The following CLSTN2 variants were observed in gnomAD, a reference collection of about 807,000 sequenced individuals.
CLSTN2 encodes calsyntenin 2.
Under a neutral mutation model 101.2 loss-of-function variants are expected in CLSTN2, and 48 were observed. The observed-to-expected ratio is 0.47, with a 90% CI of 0.38 to 0.60. CLSTN2 has a LOEUF of 0.60. Among genes scored for constraint, CLSTN2 ranks in the 20% least tolerant of loss-of-function variants. The pLI is 0.00. For missense variants in CLSTN2, 1,160 were observed against 1,238.2 expected, an observed-to-expected ratio of 0.94 and a Z score of 0.95; for synonymous variants, 481 against 463.6, an observed-to-expected ratio of 1.04 and a Z score of -0.48.
intron 8 of CLSTN2, among the ~76,000 whole-genome samples, chr3:140,500,333 C>T (rs2107761997): frequency 6.6e-6 from 1 of 152,046 alleles, no homozygotes; most frequent in South Asian, 2.1e-4. Context: ...TATATAGGAC[C>T]CAGAAAGAAA....
At chr3:140,059,728 C>T (rs1454719877) in intron 1 of CLSTN2, among the ~76,000 whole-genome samples, 1 of 152,206 alleles carries the variant, frequency 6.6e-6, no homozygotes, top group Non-Finnish European at 1.5e-5. Flanking sequence ...AGCCTACTCC[C>T]AGGCACTGAT....
At chr3:140,192,620 G>T (rs866674511) in intron 2 of CLSTN2, among the ~76,000 whole-genome samples, 3 of 151,220 alleles carry the variant, frequency 2.0e-5, no homozygotes, top group Admixed American at 6.6e-5. Context: ...TAGTCACACC[G>T]CTTTCCTCTG....
At chr3:140,228,656 G>A (rs1253976227) in intron 2 of CLSTN2, among the ~76,000 whole-genome samples, 1 of 152,188 alleles carries the variant, frequency 6.6e-6, no homozygotes, top group Admixed American at 6.5e-5. Context: ...ATTTACAAAA[G>A]AAAGAGGTTT....
intron 8 of CLSTN2, among the ~76,000 whole-genome samples, chr3:140,493,658 G>A (rs1374492140): frequency 3.9e-5 from 6 of 152,196 alleles, no homozygotes; most frequent in African/African-American, 4.8e-5. Flanking sequence ...GGGGGAAGGA[G>A]AGGGTCAAAG....
chr3:139,959,374 G>A (rs116113919), intron 1 of CLSTN2, among the ~76,000 whole-genome samples: 11 of 152,252 alleles, frequency 7.2e-5, no homozygotes, highest in South Asian at 2.1e-4. Context: ...ACATAGTGTC[G>A]TTAGTTTCTT....
chr3:139,947,650 C>A (rs1935234314), intron 1 of CLSTN2, among the ~76,000 whole-genome samples: 1 of 152,106 alleles, frequency 6.6e-6, no homozygotes, highest in Non-Finnish European at 1.5e-5. Context: ...CCGATTTCAC[C>A]TTCCTAGATT....
chr3:140,541,043 G>A (rs577891273), intron 9 of CLSTN2, among the ~76,000 whole-genome samples: 2 of 152,270 alleles, frequency 1.3e-5, no homozygotes, highest in Admixed American at 1.3e-4. Flanking sequence ...TGTCCACAGA[G>A]CCCACTATAA....
chr3:140,418,448 G>A (rs76018905), intron 4 of CLSTN2, among the ~76,000 whole-genome samples: 1 of 150,522 alleles, frequency 6.6e-6, no homozygotes, highest in Non-Finnish European at 1.5e-5. Flanking sequence ...AAGCTGTATT[G>A]TTAGAAGTAG....
intron 1 of CLSTN2, among the ~76,000 whole-genome samples, chr3:140,121,742 G>A (rs1358988975): frequency 1.3e-4 from 20 of 152,182 alleles, no homozygotes; most frequent in Admixed American, 1.3e-3. Flanking sequence ...ATGAGGCTTG[G>A]CTTAGGTGCT....
At chr3:140,389,583 G>T (rs935507582) in intron 2 of CLSTN2, among the ~76,000 whole-genome samples, 2 of 152,170 alleles carry the variant, frequency 1.3e-5, no homozygotes, top group Non-Finnish European at 2.9e-5. Flanking sequence ...GAATAGTGCT[G>T]CAGTGAACAT....
intron 1 of CLSTN2, among the ~76,000 whole-genome samples, chr3:139,981,696 G>A (rs924775368): frequency 3.9e-5 from 6 of 152,216 alleles, no homozygotes; most frequent in Non-Finnish European, 7.3e-5. Flanking sequence ...GCTGCCTAAA[G>A]CTATGTAGCT....
At chr3:140,356,073 G>A (rs758567488) in intron 2 of CLSTN2, among the ~76,000 whole-genome samples, 1 of 152,156 alleles carries the variant, frequency 6.6e-6, no homozygotes, top group Non-Finnish European at 1.5e-5. Flanking sequence ...CTTCCATTCT[G>A]TGGTATCTCC....
intron 2 of CLSTN2, among the ~76,000 whole-genome samples, chr3:140,278,046 C>G (rs1313906418): frequency 6.6e-6 from 1 of 152,180 alleles, no homozygotes; most frequent in Non-Finnish European, 1.5e-5. Context: ...CACTGAAGAC[C>G]TAGCTGCCCC....
intron 2 of CLSTN2, among the ~76,000 whole-genome samples, chr3:140,201,037 T>TG (rs1415901991): frequency 3.9e-5 from 6 of 152,314 alleles, no homozygotes; most frequent in African/African-American, 1.4e-4. Flanking sequence ...AACAGAACTG[T>TG]CTGTTAAATA....
At chr3:140,241,232 T>C (rs755094051) in intron 2 of CLSTN2, among the ~76,000 whole-genome samples, 1 of 152,208 alleles carries the variant, frequency 6.6e-6, no homozygotes, top group Non-Finnish European at 1.5e-5. Context: ...GTCAGGATAG[T>C]AAATAGGTTT....
chr3:140,239,892 T>C lies in CLSTN2; in HGVS notation c.232+63819T>C, dbSNP rs1576479605. Among the ~76,000 whole-genome samples, 3 of 143,568 alleles carry C rather than the reference T, an allele frequency of 2.1e-5. No homozygotes were observed. In the East Asian group the frequency reaches 6.2e-4, roughly 30 times the overall value. The allele number at this position is 143,568 out of a possible 152,430, so 94.2% of individuals were successfully genotyped here. A position where few individuals can be genotyped will look rare whatever the true frequency, so the allele number is the denominator to read the frequency against. ...ATATCTGTGTTTATACATATATGTG[T>C]GTATACATACACACAAACACTCATA... On this transcript the variant is annotated intron_variant, in intron 2 of 16. Transcript: ENST00000458420.
chr3:140,030,445 G>T (rs1340953056), intron 1 of CLSTN2, among the ~76,000 whole-genome samples: 1 of 152,068 alleles, frequency 6.6e-6, no homozygotes, highest in South Asian at 2.1e-4. Flanking sequence ...AGGAGAGTGG[G>T]TAGGGGTGGG....
At chr3:140,551,052 T>C (rs1314754233) in intron 10 of CLSTN2, among the ~76,000 whole-genome samples, 2 of 152,100 alleles carry the variant, frequency 1.3e-5, no homozygotes, top group African/African-American at 2.4e-5. Context: ...ATTTCAAAAC[T>C]AGGGGGACTG....
intron 2 of CLSTN2, among the ~76,000 whole-genome samples, chr3:140,324,851 C>G (rs768114965): frequency 2.0e-5 from 3 of 152,092 alleles, no homozygotes; most frequent in Admixed American, 6.5e-5. Flanking sequence ...GCACTGAGAA[C>G]AGGTTATATA....
Sources: allele counts gnomAD v4.1 joint callset (sites outside exome capture counted in the v4.1 genomes callset), GRCh38; gene constraint gnomAD v4.1.1; transcripts MANE v1.5; gene names NCBI Gene and HGNC (gene_info 2026-07-23, HGNC 2026-07-21).